The following FSHR variants were observed in gnomAD, a reference collection of about 807,000 sequenced individuals.
FSHR encodes follicle-stimulating hormone receptor.
Under a neutral mutation model 52.1 loss-of-function variants are expected in FSHR, and 46 were observed. That is an observed-to-expected ratio of 0.88 (90% CI 0.70 to 1.13). The LOEUF is 1.13. Ranked by LOEUF, FSHR falls within the 50% of genes most tolerant of loss-of-function variation. The pLI is 0.00. For missense variants in FSHR, 964 were observed against 834.6 expected (o/e 1.16, Z -1.91); for synonymous variants, 399 against 309.6 (o/e 1.29, Z -3.03).
At chr2:49,141,408 A>C (rs557333412) in intron 1 of FSHR, among the ~76,000 whole-genome samples, 1 of 152,178 alleles carries the variant, frequency 6.6e-6, no homozygotes, top group East Asian at 1.9e-4. Context: ...CTCATAATGA[A>C]AGTTGAAGGA....
rs545894853 is a variant in FSHR, at chr2:49,094,381, G to A, written c.153-26091C>T. Among the ~76,000 whole-genome samples, 12 of 152,290 alleles carry A rather than the reference G, an allele frequency of 7.9e-5. No individual in the cohort carries two copies. The South Asian group carries it at 1.5e-3, about 18-fold the overall frequency. ...AATAATTTAAGAGGGGAGAAGAATA[G>A]TTTACTGTCTTTACGCAGATATTGT... is the stretch of plus-strand genomic sequence containing the variant. On this transcript the variant is annotated intron_variant, in intron 1 of 9. Coordinates refer to ENST00000406846, the MANE Select transcript of FSHR (RefSeq NM_000145.4).
chr2:49,002,621 G>A (rs762561890), intron 4 of FSHR, among the ~76,000 whole-genome samples: 1 of 152,006 alleles, frequency 6.6e-6, no homozygotes, highest in African/African-American at 2.4e-5. Context: ...GTGAGAACTC[G>A]CTGATTGTCA....
chr2:48,971,222 A>T (rs1183799658), intron 8 of FSHR, among the ~76,000 whole-genome samples: 2 of 152,228 alleles, frequency 1.3e-5, no homozygotes, highest in Non-Finnish European at 2.9e-5. Flanking sequence ...TGATCCCTGC[A>T]GTTCCATTTC....
chr2:48,970,597 G>A (rs905936181), intron 8 of FSHR, among the ~76,000 whole-genome samples: 2 of 151,920 alleles, frequency 1.3e-5, no homozygotes, highest in Admixed American at 1.3e-4. Context: ...ATCTTTTCAG[G>A]TGATCTCATT....
chr2:48,979,618 G>C (rs1371817805), intron 8 of FSHR, among the ~76,000 whole-genome samples: 2 of 152,098 alleles, frequency 1.3e-5, no homozygotes, highest in African/African-American at 2.4e-5. Context: ...TCTTGATATG[G>C]AGGACTTGCC....
Position 48,963,189 on chromosome 2 carries a change from G to C in FSHR, c.1632C>G (p.Val544=). 1 of 1,614,118 alleles carries C rather than the reference G, an allele frequency of 6.2e-7. No homozygotes were observed. The change falls in exon 10 of 10, where the codon GTC becomes GTG. Residue 544 remains valine, a synonymous_variant. Coordinates refer to ENST00000406846, the MANE Select transcript of FSHR (RefSeq NM_000145.4). The part of the protein sequence containing the change: ...LLVLNVLAFV[V]ICGCYIHIYL... ...AGATGTGGATATAGCAGCCACAGAT[G>C]ACCACAAAGGCCAGGACATTGAGCA...
intron 1 of FSHR, among the ~76,000 whole-genome samples, chr2:49,084,699 A>G (rs1366052776): frequency 6.6e-6 from 1 of 152,254 alleles, no homozygotes. Context: ...AACTACCATC[A>G]GAGAATACTA....
chr2:48,987,338 G>C (rs1328892389), intron 6 of FSHR, among the ~76,000 whole-genome samples: 1 of 151,830 alleles, frequency 6.6e-6, no homozygotes, highest in Admixed American at 6.6e-5. Flanking sequence ...TGAGTAGAGG[G>C]GATTACAGAT....
At chr2:49,142,149 G>A (rs1228390567) in intron 1 of FSHR, among the ~76,000 whole-genome samples, 1 of 152,048 alleles carries the variant, frequency 6.6e-6, no homozygotes, top group Non-Finnish European at 1.5e-5. Flanking sequence ...TCTGTGCTGG[G>A]GACTATTCAA....
chr2:49,013,031 T>G (rs1667329783), intron 4 of FSHR, among the ~76,000 whole-genome samples: 1 of 151,918 alleles, frequency 6.6e-6, no homozygotes, highest in Admixed American at 6.6e-5. Context: ...TTATATAAGA[T>G]AAGACACCAG....
intron 1 of FSHR, among the ~76,000 whole-genome samples, chr2:49,109,238 G>T (rs1421409398): frequency 6.6e-6 from 1 of 152,156 alleles, no homozygotes; most frequent in East Asian, 1.9e-4. Flanking sequence ...ACTGGGAAGA[G>T]TGAGCGGCTT....
intron 1 of FSHR, among the ~76,000 whole-genome samples, chr2:49,113,038 C>T (rs1371419856): frequency 1.3e-5 from 2 of 152,042 alleles, no homozygotes; most frequent in Non-Finnish European, 2.9e-5. Context: ...ACTTAATAGA[C>T]CATGTATGAG....
chr2:49,061,822 CTA>C (rs1237720230), intron 2 of FSHR, among the ~76,000 whole-genome samples: 5 of 133,624 alleles, frequency 3.7e-5, no homozygotes, highest in Admixed American at 8.3e-5. Flanking sequence ...TCATATATAA[CTA>C]TATATGTTTA....
At chr2:49,013,503 T>A (rs867225178) in intron 4 of FSHR, among the ~76,000 whole-genome samples, 12 of 68,564 alleles carry the variant, frequency 1.8e-4, no homozygotes, top group South Asian at 4.3e-4. Context: ...TATATATAAA[T>A]ATATATATAT....
At chr2:49,075,330 TTAAAA>T (rs1389131293) in intron 1 of FSHR, among the ~76,000 whole-genome samples, 12 of 151,610 alleles carry the variant, frequency 7.9e-5, no homozygotes, top group African/African-American at 2.9e-4. Flanking sequence ...TTATAAAAAA[TTAAAA>T]TAAAATATCA....
intron 2 of FSHR, among the ~76,000 whole-genome samples, chr2:49,058,336 C>T (rs1184099912): frequency 6.6e-6 from 1 of 152,146 alleles, no homozygotes; most frequent in Non-Finnish European, 1.5e-5. Flanking sequence ...ATCACGAGGT[C>T]AGGAGATTGA....
At chr2:48,966,767 A>T (rs1674494688) in intron 9 of FSHR, among the ~76,000 whole-genome samples, 4 of 152,256 alleles carry the variant, frequency 2.6e-5, no homozygotes, top group Admixed American at 2.6e-4. Flanking sequence ...ATTGCTAAAA[A>T]TAAAAAATGA....
intron 1 of FSHR, among the ~76,000 whole-genome samples, chr2:49,119,132 G>A (rs1671709297): frequency 6.6e-6 from 1 of 152,142 alleles, no homozygotes; most frequent in African/African-American, 2.4e-5. Context: ...GTGGACCCCG[G>A]AAATTTCCAG....
At chr2:49,070,319 A>G (rs1012486652) in intron 1 of FSHR, among the ~76,000 whole-genome samples, 2 of 152,188 alleles carry the variant, frequency 1.3e-5, no homozygotes, top group Admixed American at 6.6e-5. Flanking sequence ...ATTTAAATAA[A>G]AGGTGATCTA....
Sources: allele counts gnomAD v4.1 joint callset (sites outside exome capture counted in the v4.1 genomes callset), GRCh38; gene constraint gnomAD v4.1.1; transcripts MANE v1.5; gene names NCBI Gene and HGNC (gene_info 2026-07-23, HGNC 2026-07-21).